PGR: variants seen among roughly 807,000 people sequenced by gnomAD.
PGR encodes the protein nuclear receptor subfamily 3 group C member 3.
PGR carries 25 observed loss-of-function variants against 76.1 expected under a neutral mutation model. The ratio of observed to expected loss-of-function variants is 0.33; its 90% CI spans 0.24 to 0.46. The LOEUF (loss-of-function observed/expected upper bound fraction) is 0.46. PGR is among the 20% of genes least tolerant of loss of function. The probability of loss-of-function intolerance (pLI) is 1.00; values close to 1 mark genes in which losing one functional copy is unlikely to be tolerated. For missense variants in PGR, 1,172 were observed against 1,225.3 expected (o/e 0.96, Z 0.65); for synonymous variants, 579 against 535.0 (o/e 1.08, Z -1.14).
At position 101,129,135 on chromosome 11, in the gene PGR, G is replaced by C. The variant is rs1863018812; in HGVS notation, c.-65C>G. 1 of 1,386,006 alleles carries C rather than the reference G, an allele frequency of 7.2e-7. No homozygotes were observed. The highest frequency in any genetic ancestry group is 9.5e-7 in the Non-Finnish European group (1 of 1,051,086). 85.9% of individuals were successfully genotyped at this position (1,386,006 alleles called of 1,614,324 possible). ...AGGAGGGAAAAGGGAAGGAGGAGGGGGTTTCGGGAATATAGGGGCAGAGGG... is the reference window on the plus strand; with the variant it reads ...AGGAGGGAAAAGGGAAGGAGGAGGGCGTTTCGGGAATATAGGGGCAGAGGG... On this transcript the variant is annotated 5_prime_UTR_variant, in exon 1 of 8. Coordinates refer to ENST00000325455, the MANE Select transcript of PGR (RefSeq NM_000926.4).
intron 2 of PGR, among the ~76,000 whole-genome samples, chr11:101,114,413 TAA>T (rs1862437695): frequency 6.6e-6 from 1 of 152,214 alleles, no homozygotes. Context: ...TCAATTCTCA[TAA>T]GTTATTTTGT....
chr11:101,095,705 T>C (rs1282593314), intron 2 of PGR, among the ~76,000 whole-genome samples: 1 of 152,216 alleles, frequency 6.6e-6, no homozygotes, highest in Non-Finnish European at 1.5e-5. Context: ...GTACCTTGGA[T>C]TGGATCTAAG....
At chr11:101,080,610 C>T (rs1861274765) in intron 3 of PGR, among the ~76,000 whole-genome samples, 1 of 152,080 alleles carries the variant, frequency 6.6e-6, no homozygotes, top group African/African-American at 2.4e-5. Flanking sequence ...AGGGATTGCA[C>T]TAGCTTTCCA....
At chr11:101,089,526 T>G (rs1861605890) in intron 3 of PGR, among the ~76,000 whole-genome samples, 1 of 152,192 alleles carries the variant, frequency 6.6e-6, no homozygotes, top group African/African-American at 2.4e-5. Context: ...CATTTGTTGC[T>G]CGTCCTCCCA....
At position 101,128,234 on chromosome 11, in the gene PGR, C is replaced by G. The variant is rs1862949502; in HGVS notation, c.837G>C (p.Arg279Ser). The G allele has an allele frequency of 5.6e-6, 9 of 1,596,742 alleles. 1 individual carries two copies. In the Middle Eastern group the frequency reaches 9.9e-4, roughly 175 times the overall value. The stretch of plus-strand genomic sequence containing the variant: ...GCGCGTCCTGCTCCACCAGGGCGAC[C>G]CTGGGCGCTGAGAAGCGGGAATCTT... Reference protein sequence around the residue: ...PKEDSRFSAPRVALVEQDAPM... With the variant: ...PKEDSRFSAPSVALVEQDAPM... Residue 279 changes from arginine (R) to serine (S), a missense_variant, in exon 1 of 8, where the codon AGG becomes AGC. This residue lies in a region of PGR where 893 missense variants were observed against 785.9 expected (regional missense o/e 1.14). Coordinates refer to ENST00000325455, the MANE Select transcript of PGR (RefSeq NM_000926.4).
At chr11:101,046,251 G>A (rs879471454) in intron 6 of PGR, among the ~76,000 whole-genome samples, 39 of 143,070 alleles carry the variant, frequency 2.7e-4, no homozygotes, top group Non-Finnish European at 4.4e-4. Flanking sequence ...TCAGTTTCCC[G>A]GCTACCTGGG....
At chr11:101,084,523 T>A (rs1199309050) in intron 3 of PGR, among the ~76,000 whole-genome samples, 1 of 152,024 alleles carries the variant, frequency 6.6e-6, no homozygotes, top group Non-Finnish European at 1.5e-5. Flanking sequence ...CCAGCCGTGG[T>A]GGCAGGTGCA....
chr11:101,125,602 C>T (rs478919), intron 2 of PGR, among the ~76,000 whole-genome samples: 5,831 of 152,198 alleles, frequency 0.038, 158 homozygotes, highest in Middle Eastern at 0.061. Context: ...TATACGCATA[C>T]ATGTACATAT....
chr11:101,062,475 T>G lies in PGR; in HGVS notation c.2184A>C (p.Ser728=). 4 of 1,613,960 alleles carry G rather than the reference T, an allele frequency of 2.5e-6. No individual in the cohort carries two copies. Among genetic ancestry groups the G allele is most frequent in the Non-Finnish European group, 3.4e-6 (4 of 1,179,848 alleles). The part of the protein sequence containing the change: ...LNQLGERQLL[S]VVKWSKSLPG... ...GCAATGATTTAGACCACTTGACTAC[T>G]GAAAGAAGTTGCCTCTCGCCTAGTT... is the stretch of plus-strand genomic sequence containing the variant. Residue 728 remains serine (S), a synonymous_variant, in exon 4 of 8, where the codon TCA becomes TCC. Transcript: ENST00000325455.
At chr11:101,097,405 C>T (rs505819) in intron 2 of PGR, among the ~76,000 whole-genome samples, 17,850 of 152,198 alleles carry the variant, frequency 0.12, 1,365 homozygotes, top group Non-Finnish European at 0.16. Context: ...CTTCTGTGTA[C>T]CAACTGCACA....
chr11:101,075,936 A>AAT (rs1240370788), intron 3 of PGR, among the ~76,000 whole-genome samples: 6 of 152,204 alleles, frequency 3.9e-5, no homozygotes, highest in African/African-American at 1.4e-4. Context: ...TAGAACCAGA[A>AAT]ATACCATTTG....
At chr11:101,113,270 CT>C (rs879882028) in intron 2 of PGR, among the ~76,000 whole-genome samples, 42 of 148,210 alleles carry the variant, frequency 2.8e-4, no homozygotes, top group South Asian at 6.5e-4. Flanking sequence ...TAAATATCTT[CT>C]TTTTTTTTTT....
At chr11:101,092,464 A>T (rs897867312) in intron 2 of PGR, among the ~76,000 whole-genome samples, 1 of 152,250 alleles carries the variant, frequency 6.6e-6, no homozygotes, top group Non-Finnish European at 1.5e-5. Context: ...ACTACACATT[A>T]GAAAATACCT....
chr11:101,114,780 G>C (rs1055832617), intron 2 of PGR, among the ~76,000 whole-genome samples: 3 of 151,944 alleles, frequency 2.0e-5, no homozygotes, highest in Admixed American at 6.6e-5. Context: ...CCCTGGCTCA[G>C]GTCCTTAGTG....
chr11:101,080,997 T>C (rs528418853), intron 3 of PGR, among the ~76,000 whole-genome samples: 1 of 152,294 alleles, frequency 6.6e-6, no homozygotes, highest in East Asian at 1.9e-4. Context: ...AAAAACCCTA[T>C]GAATTATTGG....
chr11:101,112,379 A>G (rs1239898969), intron 2 of PGR, among the ~76,000 whole-genome samples: 1 of 152,170 alleles, frequency 6.6e-6, no homozygotes, highest in African/African-American at 2.4e-5. Flanking sequence ...GAGGATTGGT[A>G]GAGCCTGTCC....
At chr11:101,115,894 A>G (rs569546939) in intron 2 of PGR, among the ~76,000 whole-genome samples, 1 of 152,348 alleles carries the variant, frequency 6.6e-6, no homozygotes, top group African/African-American at 2.4e-5. Context: ...GTACATGTCC[A>G]AAATCTCTTA....
intron 2 of PGR, among the ~76,000 whole-genome samples, chr11:101,119,429 G>A (rs1473370895): frequency 1.3e-5 from 2 of 152,182 alleles, no homozygotes; most frequent in South Asian, 2.1e-4. Context: ...TAACTCAGAT[G>A]TGATTTTCGG....
chr11:101,101,730 T>C lies in PGR; in HGVS notation c.1790-9854A>G, dbSNP rs1862003142. On this transcript the variant is annotated intron_variant, in intron 2 of 7. Transcript: ENST00000325455. ...TTAAGATAGACATTAAAATGACTTA[T>C]AAAAATGTAAAACAATGTCATTCTT... 3.3e-5 allele frequency among the ~76,000 whole-genome samples: 5 copies of C among 152,354 alleles called. No homozygotes were observed. In the South Asian group the frequency reaches 1.0e-3, roughly 32 times the overall value.
Sources: allele counts gnomAD v4.1 joint callset (sites outside exome capture counted in the v4.1 genomes callset), GRCh38; gene constraint gnomAD v4.1.1; regional missense constraint gnomAD v4.1.1; transcripts MANE v1.5; gene names NCBI Gene and HGNC (gene_info 2026-07-23, HGNC 2026-07-21).